Variants in WNT3 observed in about 807,000 individuals in gnomAD.
WNT3 encodes proto-oncogene Wnt-3.
In WNT3, 7 loss-of-function variants were observed where a neutral mutation model predicts 34.2. That is an observed-to-expected ratio of 0.20 (90% CI 0.12 to 0.38). WNT3 has a LOEUF of 0.38. Among genes scored for constraint, WNT3 ranks in the 10% least tolerant of loss-of-function variants. WNT3 has a pLI of 1.00. For missense variants in WNT3, 267 were observed against 499.8 expected, an observed-to-expected ratio of 0.53 and a Z score of 4.44; for synonymous variants, 212 against 211.5, an observed-to-expected ratio of 1.00 and a Z score of -0.02.
intron 1 of WNT3, among the ~76,000 whole-genome samples, chr17:46,777,921 A>G (rs947602610): frequency 5.3e-5 from 8 of 152,122 alleles, no homozygotes; most frequent in Non-Finnish European, 7.3e-5. Flanking sequence ...CCCAGGTCCC[A>G]CCAACTGTGG....
intron 4 of WNT3, among the ~76,000 whole-genome samples, chr17:46,766,262 G>A (rs2059311804): frequency 6.6e-6 from 1 of 152,134 alleles, no homozygotes; most frequent in Non-Finnish European, 1.5e-5. Flanking sequence ...AAAAAAATTA[G>A]CCGATCGTGG....
At chr17:46,808,077 G>A (rs1017558675) in intron 1 of WNT3, among the ~76,000 whole-genome samples, 3 of 152,234 alleles carry the variant, frequency 2.0e-5, no homozygotes, top group Non-Finnish European at 4.4e-5. Context: ...AAAGGACTAA[G>A]TAGAAGGAAA....
chr17:46,794,202 C>T (rs2084024089), intron 1 of WNT3, among the ~76,000 whole-genome samples: 1 of 151,796 alleles, frequency 6.6e-6, no homozygotes, highest in Non-Finnish European at 1.5e-5. Context: ...GGGACTGTGC[C>T]CTGAGAGAAA....
At position 46,777,209 on chromosome 17, in the gene WNT3, C is replaced by CA. The variant is rs889229712; in HGVS notation, c.81-3301dup. ...TGGGCGACAGAGCGAGACTTCGTCTCAAAAAAAAAAAAGAAAAAGAAAAAG... is the reference window on the plus strand; with the variant it reads ...TGGGCGACAGAGCGAGACTTCGTCTCAAAAAAAAAAAAAGAAAAAGAAAAAG... On this transcript the variant is annotated intron_variant, in intron 1 of 4. Coordinates refer to ENST00000225512, the MANE Select transcript of WNT3 (RefSeq NM_030753.5). Among the ~76,000 whole-genome samples the CA allele has an allele frequency of 2.3e-3, 331 of 145,066 alleles. 1 individual carries two copies. Among genetic ancestry groups the CA allele is most frequent in the African/African-American group, 6.1e-3 (230 of 37,586 alleles).
chr17:46,762,894 T>C lies in WNT3; in HGVS notation c.*1736A>G, dbSNP rs930415536. The C allele has an allele frequency of 4.6e-5, 7 of 152,318 alleles. No individual in the cohort carries two copies. Among genetic ancestry groups the C allele is most frequent in the Admixed American group, 2.0e-4 (3 of 15,298 alleles). The allele number at this position is 152,318 out of a possible 1,614,324, so 9.4% of individuals were successfully genotyped here. On this transcript the variant is annotated 3_prime_UTR_variant, in exon 5 of 5. Transcript: ENST00000225512. ...AGAATACATAGATATGAAAAGATTG[T>C]TTTGAAAATTCGTATCCATTCTGCT... is the stretch of plus-strand genomic sequence containing the variant.
At chr17:46,772,150 C>T (rs1763209626) in intron 2 of WNT3, among the ~76,000 whole-genome samples, 3 of 152,166 alleles carry the variant, frequency 2.0e-5, no homozygotes, top group South Asian at 4.1e-4. Context: ...GGTTCAAGGT[C>T]CGGGCTCTGG....
intron 1 of WNT3, among the ~76,000 whole-genome samples, chr17:46,813,233 G>A (rs2084299259): frequency 6.6e-6 from 1 of 151,878 alleles, no homozygotes; most frequent in South Asian, 2.1e-4. Context: ...ATAGCCCTGG[G>A]ACTCTGAGAG....
At chr17:46,799,667 C>T (rs2084099611) in intron 1 of WNT3, among the ~76,000 whole-genome samples, 2 of 152,172 alleles carry the variant, frequency 1.3e-5, no homozygotes, top group East Asian at 1.9e-4. Flanking sequence ...AGGCTGGTCT[C>T]GAACTCCTGA....
intron 1 of WNT3, among the ~76,000 whole-genome samples, chr17:46,814,194 C>G (rs571023846): frequency 5.3e-5 from 8 of 152,306 alleles, no homozygotes; most frequent in Non-Finnish European, 1.2e-4. Flanking sequence ...CTCTTGGCCC[C>G]GGAGCTGTTG....
intron 1 of WNT3, among the ~76,000 whole-genome samples, chr17:46,785,568 G>A (rs1029847066): frequency 6.6e-6 from 1 of 152,222 alleles, no homozygotes; most frequent in Admixed American, 6.5e-5. Context: ...TGCTGTGGAC[G>A]ACTTTAGCAA....
Position 46,779,103 on chromosome 17 carries a change from A to ACACACACACC in WNT3, c.81-5195_81-5194insGGTGTGTGTG, listed in dbSNP as rs749719578. Among the ~76,000 whole-genome samples, 98 of 133,622 alleles carry ACACACACACC rather than the reference A, an allele frequency of 7.3e-4. 3 individuals carry two copies. The East Asian group carries it at 0.011, about 14-fold the overall frequency. 87.7% of individuals were successfully genotyped at this position (133,622 alleles called of 152,430 possible). A position where few individuals can be genotyped will look rare whatever the true frequency, so the allele number is the denominator to read the frequency against. On this transcript the variant is annotated intron_variant, in intron 1 of 4. Transcript: ENST00000225512. Reference sequence around the variant, plus strand: ...CACACACACACACACACACACACACACCCCAGCCCACTCGGCCTTCCAAAG... The same window carrying ACACACACACC: ...CACACACACACACACACACACACACACACACACACCCCCCAGCCCACTCGGCCTTCCAAAG...
chr17:46,793,827 G>GTAAACA (rs1309337359), intron 1 of WNT3, among the ~76,000 whole-genome samples: 5 of 152,140 alleles, frequency 3.3e-5, no homozygotes, highest in Admixed American at 3.3e-4. Flanking sequence ...TAGAGATGCC[G>GTAAACA]GCTCCAGTTT....
intron 1 of WNT3, among the ~76,000 whole-genome samples, chr17:46,787,786 C>G (rs1005393318): frequency 5.9e-5 from 9 of 152,136 alleles, no homozygotes; most frequent in Non-Finnish European, 1.2e-4. Context: ...AAACGCCTGT[C>G]TCTACTAAAA....
At chr17:46,792,621 A>G (rs1049826213) in intron 1 of WNT3, among the ~76,000 whole-genome samples, 2 of 152,004 alleles carry the variant, frequency 1.3e-5, no homozygotes, top group African/African-American at 2.4e-5. Context: ...CTATAGGTGC[A>G]TGCCACCACA....
At chr17:46,769,453 AT>A (rs1331002509) in intron 3 of WNT3, among the ~76,000 whole-genome samples, 2 of 152,222 alleles carry the variant, frequency 1.3e-5, no homozygotes, top group Non-Finnish European at 1.5e-5. Flanking sequence ...TGGAGGCTGA[AT>A]TCAAAGCCAG....
chr17:46,802,061 C>T (rs985111804), intron 1 of WNT3, among the ~76,000 whole-genome samples: 10 of 152,184 alleles, frequency 6.6e-5, no homozygotes, highest in Non-Finnish European at 1.5e-4. Flanking sequence ...CTCGCCTGTA[C>T]GCATGTTTGT....
chr17:46,786,650 G>A lies in WNT3; in HGVS notation c.81-12741C>T, dbSNP rs1031276923. ...CAGGTAAAGCCCAGATGCCCTGTGC[G>A]TGCTCAGGTAGGGTCCCAGCCCTCT... is the stretch of plus-strand genomic sequence containing the variant. On this transcript the variant is annotated intron_variant, in intron 1 of 4. Coordinates refer to ENST00000225512, the MANE Select transcript of WNT3 (RefSeq NM_030753.5). Among the ~76,000 whole-genome samples, 109 of 152,328 alleles carry A rather than the reference G, an allele frequency of 7.2e-4. 1 individual carries two copies. The highest frequency in any genetic ancestry group is 2.2e-3 in the African/African-American group (90 of 41,584).
intron 1 of WNT3, among the ~76,000 whole-genome samples, chr17:46,786,863 G>A (rs1325589374): frequency 5.3e-5 from 8 of 152,104 alleles, no homozygotes; most frequent in Non-Finnish European, 1.2e-4. Context: ...AGAAACCCTG[G>A]TGGGCCCAGG....
chr17:46,814,194 C>T (rs571023846), intron 1 of WNT3, among the ~76,000 whole-genome samples: 3 of 152,188 alleles, frequency 2.0e-5, no homozygotes, highest in African/African-American at 4.8e-5. Context: ...CTCTTGGCCC[C>T]GGAGCTGTTG....
Sources: allele counts gnomAD v4.1 joint callset (sites outside exome capture counted in the v4.1 genomes callset), GRCh38; gene constraint gnomAD v4.1.1; transcripts MANE v1.5; gene names NCBI Gene and HGNC (gene_info 2026-07-23, HGNC 2026-07-21).